Variants in OR4C46 observed in about 807,000 individuals in gnomAD.
OR4C46 encodes olfactory receptor 4C46.
Under a neutral mutation model 11.8 loss-of-function variants are expected in OR4C46, and 17 were observed. The observed-to-expected ratio is 1.44, with a 90% CI of 0.98 to 2.16. The LOEUF (loss-of-function observed/expected upper bound fraction) is 2.16. OR4C46 is among the 30% of genes most tolerant of loss of function. The pLI is 0.00. For synonymous variants in OR4C46, 224 were observed against 137.6 expected (o/e 1.63, Z -4.39); for missense variants, 606 against 372.1 (o/e 1.63, Z -5.17).
In OR4C46 at chr11:54,603,138, C is replaced by T. The variant is rs746455064; in HGVS notation, c.861G>A (p.Leu287=). The part of the protein sequence containing the change: ...TPMLNPLIYT[L]KNAQMKNAIR... ...TGGCATTTTTCATCTGGGCATTCTTCAAGGTATAGATTAAGGGGTTTAACA... is the reference window on the plus strand; with the variant it reads ...TGGCATTTTTCATCTGGGCATTCTTTAAGGTATAGATTAAGGGGTTTAACA... The change falls in exon 1 of 1, where the codon TTG becomes TTA. Residue 287 remains leucine, a synonymous_variant. Coordinates refer to ENST00000328188, the MANE Select transcript of OR4C46 (RefSeq NM_001004703.1). The T allele has an allele frequency of 4.8e-6, 7 of 1,456,200 alleles. No homozygotes were observed. Among genetic ancestry groups the T allele is most frequent in the Non-Finnish European group, 3.8e-6 (4 of 1,045,272 alleles). 90.2% of individuals were successfully genotyped at this position (1,456,200 alleles called of 1,614,324 possible). A position where few individuals can be genotyped will look rare whatever the true frequency, so the allele number is the denominator to read the frequency against.
chr11:54,603,980 T>A lies in OR4C46; in HGVS notation c.19A>T (p.Met7Leu), dbSNP rs1490885123. Residue 7 changes from methionine (M) to leucine (L), a missense_variant, in exon 1 of 1, where the codon ATG (methionine) becomes TTG (leucine). Transcript: ENST00000328188. Reference protein sequence around the residue: MENRNNMTEFVLLGLTE... With the variant: MENRNNLTEFVLLGLTE... ...AGCCCCAGCAAAACAAACTCTGTCA[T>A]GTTATTCCTATTCTCCATGTATTTC... is the stretch of plus-strand genomic sequence containing the variant. The A allele has an allele frequency of 6.2e-7, 1 of 1,612,448 alleles. No homozygotes were observed. Among genetic ancestry groups the A allele is most frequent in the Non-Finnish European group, 8.5e-7 (1 of 1,178,632 alleles).
At position 54,603,639 on chromosome 11, in the gene OR4C46, G is replaced by C. The variant is rs1201485256; in HGVS notation, c.360C>G (p.His120Gln). The change falls in exon 1 of 1, where the codon CAC (histidine) becomes CAG (glutamine). Residue 120 changes from histidine to glutamine, a missense_variant. His to Gln is a conservative substitution (Grantham distance 24, BLOSUM62 0). Transcript: ENST00000328188. ...GCAAGGGCTTGCAGATGGCCACATA[G>C]TGGTCATAGGCCATCACAGTAAGTA... ...GILLTVMAYD[H>Q]YVAICKPLHY... 4 of 1,614,056 alleles carry C rather than the reference G, an allele frequency of 2.5e-6. No homozygotes were observed. Among genetic ancestry groups the C allele is most frequent in the South Asian group, 2.2e-5 (2 of 91,064 alleles).
Position 54,603,564 on chromosome 11 carries a change from C to G in OR4C46, c.435G>C (p.Val145=). Residue 145 remains valine, a synonymous_variant, in exon 1 of 1, where the codon GTG becomes GTC. Coordinates refer to ENST00000328188, the MANE Select transcript of OR4C46 (RefSeq NM_001004703.1). ...NQCVCALLMG[V]VWMGGFLHAT... ...CATGAAGAAAGCCTCCCATCCACAC[C>G]ACTCCCATTAGCAGGGCACACACAC... is the stretch of plus-strand genomic sequence containing the variant. 1.9e-6 allele frequency: 3 copies of G among 1,613,964 alleles called. No individual in the cohort carries two copies. The highest frequency in any genetic ancestry group is 2.5e-6 in the Non-Finnish European group (3 of 1,179,942).
Position 54,603,634 on chromosome 11 carries a change from A to T in OR4C46, c.365T>A (p.Val122Glu), listed in dbSNP as rs1354682853. ...LLTVMAYDHY[V>E]AICKPLHYMT... The stretch of plus-strand genomic sequence containing the variant: ...ATAGTGCAAGGGCTTGCAGATGGCC[A>T]CATAGTGGTCATAGGCCATCACAGT... Residue 122 changes from valine to glutamate, a missense_variant, in exon 1 of 1, where the codon GTG (valine) becomes GAG (glutamate). Physicochemically the swap from Val to Glu is moderately radical, Grantham distance 121. Transcript: ENST00000328188. The T allele has an allele frequency of 4.3e-6, 7 of 1,613,954 alleles. No individual in the cohort carries two copies. Among genetic ancestry groups the T allele is most frequent in the Non-Finnish European group, 5.9e-6 (7 of 1,179,942 alleles).
At position 54,603,178 on chromosome 11, in the gene OR4C46, G is replaced by T. The variant is rs1191461437; in HGVS notation, c.821C>A (p.Thr274Asn). The change falls in exon 1 of 1, where the codon ACT (threonine) becomes AAT (asparagine). Residue 274 changes from threonine (T) to asparagine (N), a missense_variant. Thr to Asn is a moderately conservative substitution (Grantham distance 65, BLOSUM62 0). Transcript: ENST00000328188. ...PIDKAVAIFY[T>N]MITPMLNPLI... Reference sequence around the variant, plus strand: ...GGGGTTTAACATAGGAGTTATCATAGTGTAGAATATAGCAACTGCTTTATC... The same window carrying T: ...GGGGTTTAACATAGGAGTTATCATATTGTAGAATATAGCAACTGCTTTATC... 1.9e-6 allele frequency: 3 copies of T among 1,562,468 alleles called. No homozygotes were observed. The highest frequency in any genetic ancestry group is 2.6e-6 in the Non-Finnish European group (3 of 1,133,282).
chr11:54,603,292 G>A lies in OR4C46; in HGVS notation c.707C>T (p.Ser236Phe), dbSNP rs372794415. 1.2e-6 allele frequency: 2 copies of A among 1,613,254 alleles called. No individual in the cohort carries two copies. Among genetic ancestry groups the A allele is most frequent in the African/African-American group, 1.3e-5 (1 of 74,900 alleles). Residue 236 changes from serine to phenylalanine, a missense_variant, in exon 1 of 1, where the codon TCC becomes TTC. Coordinates refer to ENST00000328188, the MANE Select transcript of OR4C46 (RefSeq NM_001004703.1). ...AACCGTGATGTGGGAGACACAGGTG[G>A]AGAGGGCTTTGTGCCTTGCCTCCAA... The part of the protein sequence containing the change: ...HSLEARHKAL[S>F]TCVSHITVVI...
chr11:54,603,846 T>A lies in OR4C46; in HGVS notation c.153A>T (p.Pro51=). ...VLIVVTITAS[P]SLGSPMYLSL... is the part of the protein sequence containing the mutation. ...AAAGGTACATGGGGGACCCCAGTGA[T>A]GGGCTGGCAGTGATGGTGACCACAA... Residue 51 remains proline (P), a synonymous_variant, in exon 1 of 1, where the codon CCA becomes CCT. Coordinates refer to ENST00000328188, the MANE Select transcript of OR4C46 (RefSeq NM_001004703.1). 6.2e-7 allele frequency: 1 copy of A among 1,600,206 alleles called. No individual in the cohort carries two copies. The highest frequency in any genetic ancestry group is 2.2e-5 in the East Asian group (1 of 44,862).
In OR4C46 at chr11:54,603,165, A is replaced by G; in HGVS notation, c.834T>C (p.Pro278=). The change falls in exon 1 of 1, where the codon CCT becomes CCC. Residue 278 remains proline (P), a synonymous_variant. Transcript: ENST00000328188. ...AVAIFYTMIT[P]MLNPLIYTLK... is the part of the protein sequence containing the mutation. ...AGGTATAGATTAAGGGGTTTAACATAGGAGTTATCATAGTGTAGAATATAG... is the reference window on the plus strand; with the variant it reads ...AGGTATAGATTAAGGGGTTTAACATGGGAGTTATCATAGTGTAGAATATAG... 2.0e-6 allele frequency: 3 copies of G among 1,531,482 alleles called. No homozygotes were observed. Among genetic ancestry groups the G allele is most frequent in the Non-Finnish European group, 2.7e-6 (3 of 1,105,184 alleles). 94.9% of individuals were successfully genotyped at this position (1,531,482 alleles called of 1,614,324 possible).
At position 54,603,161 on chromosome 11, in the gene OR4C46, A is replaced by C. The variant is rs751149656; in HGVS notation, c.838T>G (p.Leu280Val). 2.0e-5 allele frequency: 30 copies of C among 1,524,390 alleles called. No homozygotes were observed. Among genetic ancestry groups the C allele is most frequent in the African/African-American group, 4.1e-5 (3 of 73,726 alleles). 94.4% of individuals were successfully genotyped at this position (1,524,390 alleles called of 1,614,324 possible). The stretch of plus-strand genomic sequence containing the variant: ...TTCAAGGTATAGATTAAGGGGTTTA[A>C]CATAGGAGTTATCATAGTGTAGAAT... ...AIFYTMITPM[L>V]NPLIYTLKNA... Residue 280 changes from leucine (L) to valine (V), a missense_variant, in exon 1 of 1, where the codon TTA (leucine) becomes GTA (valine). Transcript: ENST00000328188.
chr11:54,603,915 C>A lies in OR4C46; in HGVS notation c.84G>T (p.Val28=), dbSNP rs1565363942. Residue 28 remains valine (V), a synonymous_variant, in exon 1 of 1, where the codon GTG becomes GTT. Transcript: ENST00000328188. The stretch of plus-strand genomic sequence containing the variant: ...CAGTGATGATATAGATGACAAAAAA[C>A]ACAACAAATATGATTTTCTGCATCT... ...NPKMQKIIFV[V]FFVIYIITVV... The A allele has an allele frequency of 6.2e-6, 10 of 1,613,640 alleles. No homozygotes were observed. The highest frequency in any genetic ancestry group is 1.1e-5 in the South Asian group (1 of 91,068).
In OR4C46 at chr11:54,603,815, C is replaced by A. The variant is rs145553997; in HGVS notation, c.184G>T (p.Ala62Ser). Reference protein sequence around the residue: ...SLGSPMYLSLAYLSFIDACYS... With the variant: ...SLGSPMYLSLSYLSFIDACYS... ...CAGGCATCAATAAAGGAGAGATAGG[C>A]CAGGGAAAGGTACATGGGGGACCCC... The change falls in exon 1 of 1, where the codon GCC becomes TCC. Residue 62 changes from alanine to serine, a missense_variant. Transcript: ENST00000328188. The A allele has an allele frequency of 1.9e-6, 3 of 1,613,586 alleles. No homozygotes were observed. The highest frequency in any genetic ancestry group is 2.5e-6 in the Non-Finnish European group (3 of 1,179,828).
Position 54,603,510 on chromosome 11 carries a change from T to C in OR4C46, c.489A>G (p.Gln163=). The change falls in exon 1 of 1, where the codon CAA becomes CAG. Residue 163 remains glutamine (Q), a synonymous_variant. Transcript: ENST00000328188. ...TGACATTAGGACCACAGAAAGGTAA[T>C]TGGAAGATGAAGAGGATCTGTATGG... The part of the protein sequence containing the change: ...HATIQILFIF[Q]LPFCGPNVID... The C allele has an allele frequency of 6.2e-7, 1 of 1,613,636 alleles. No individual in the cohort carries two copies. The highest frequency in any genetic ancestry group is 1.1e-5 in the South Asian group (1 of 91,066).
In OR4C46 at chr11:54,603,926, T is replaced by C. The variant is rs756730782; in HGVS notation, c.73A>G (p.Ile25Val). The change falls in exon 1 of 1, where the codon ATA (isoleucine) becomes GTA (valine). Residue 25 changes from isoleucine (I) to valine (V), a missense_variant. By Grantham distance (29) the Ile-to-Val change is conservative. Transcript: ENST00000328188. ...LTENPKMQKIIFVVFFVIYII... is the reference protein window; with the variant it reads ...LTENPKMQKIVFVVFFVIYII... ...TAGATGACAAAAAACACAACAAATATGATTTTCTGCATCTTTGGATTCTCT... is the reference window on the plus strand; with the variant it reads ...TAGATGACAAAAAACACAACAAATACGATTTTCTGCATCTTTGGATTCTCT... The C allele has an allele frequency of 2.7e-5, 44 of 1,613,652 alleles. 2 individuals are homozygous for C. The South Asian group carries it at 4.1e-4, about 15-fold the overall frequency.
rs142620784 is a variant in OR4C46 at position 54,603,094 on chromosome 11, C to G, written c.905G>C (p.Arg302Thr). The change falls in exon 1 of 1, where the codon AGA becomes ACA. Residue 302 changes from arginine to threonine, a missense_variant. Arg to Thr is a moderately conservative substitution (Grantham distance 71). Coordinates refer to ENST00000328188, the MANE Select transcript of OR4C46 (RefSeq NM_001004703.1). ...MKNAIRKLCS[R>T]KDISGDK ...TTATTTGTCACCTGAAATGTCCTTT[C>G]TACTACACAATTTCCTGATGGCATT... 494 of 1,536,736 alleles carry G rather than the reference C, an allele frequency of 3.2e-4. No individual in the cohort carries two copies. The highest frequency in any genetic ancestry group is 4.3e-4 in the Non-Finnish European group (483 of 1,117,844).
In OR4C46 at chr11:54,603,474, A is replaced by G. The variant is rs1862992476; in HGVS notation, c.525T>C (p.Phe175=). 2.5e-6 allele frequency: 4 copies of G among 1,613,312 alleles called. No individual in the cohort carries two copies. In the East Asian group the frequency reaches 8.9e-5, roughly 36 times the overall value. The part of the protein sequence containing the change: ...PFCGPNVIDH[F]MCDLNPLLNL... ...TGAGCAAAGGGTTCAGATCACACAT[A>G]AAGTGATCTATGACATTAGGACCAC... Residue 175 remains phenylalanine, a synonymous_variant, in exon 1 of 1, where the codon TTT becomes TTC. Coordinates refer to ENST00000328188, the MANE Select transcript of OR4C46 (RefSeq NM_001004703.1).
rs534211224 is a variant in OR4C46, at chr11:54,603,757, G to C, written c.242C>G (p.Thr81Arg). The change falls in exon 1 of 1, where the codon ACA becomes AGA. Residue 81 changes from threonine to arginine, a missense_variant. Physicochemically the swap from Thr to Arg is moderately conservative, Grantham distance 71 (BLOSUM62 -1). Coordinates refer to ENST00000328188, the MANE Select transcript of OR4C46 (RefSeq NM_001004703.1). ...GGCCTTCTTTCCATAGAGTGAATGT[G>C]TGATCAGGTTAGGGGTATTGACAGA... Reference protein sequence around the residue: ...YSSVNTPNLITHSLYGKKAIL... With the variant: ...YSSVNTPNLIRHSLYGKKAIL... The C allele has an allele frequency of 1.2e-6, 2 of 1,613,914 alleles. No homozygotes were observed. Among genetic ancestry groups the C allele is most frequent in the Non-Finnish European group, 1.7e-6 (2 of 1,179,828 alleles).
chr11:54,603,348 C>A lies in OR4C46; in HGVS notation c.651G>T (p.Val217=). Residue 217 remains valine (V), a synonymous_variant, in exon 1 of 1, where the codon GTG becomes GTT. Transcript: ENST00000328188. ...GAGTCCTTAGGGAGCACAAGATGAC[C>A]ACATAGGAGACCAGCAGGAGGGCAA... ...LNFALLLVSY[V]VILCSLRTHS... is the part of the protein sequence containing the mutation. 6.2e-7 allele frequency: 1 copy of A among 1,613,710 alleles called. No homozygotes were observed. The highest frequency in any genetic ancestry group is 8.5e-7 in the Non-Finnish European group (1 of 1,179,834).
In OR4C46 at chr11:54,603,153, G is replaced by A. The variant is rs754204444; in HGVS notation, c.846C>T (p.Pro282=). 4.0e-6 allele frequency: 6 copies of A among 1,497,112 alleles called. No individual in the cohort carries two copies. The highest frequency in any genetic ancestry group is 1.7e-5 in the Admixed American group (1 of 59,598). 92.7% of individuals were successfully genotyped at this position (1,497,112 alleles called of 1,614,324 possible). ...GGGCATTCTTCAAGGTATAGATTAA[G>A]GGGTTTAACATAGGAGTTATCATAG... is the stretch of plus-strand genomic sequence containing the variant. ...FYTMITPMLN[P]LIYTLKNAQM... is the part of the protein sequence containing the mutation. Residue 282 remains proline, a synonymous_variant, in exon 1 of 1, where the codon CCC becomes CCT. Coordinates refer to ENST00000328188, the MANE Select transcript of OR4C46 (RefSeq NM_001004703.1).
chr11:54,603,992 T>C lies in OR4C46; in HGVS notation c.7A>G (p.Asn3Asp). 2 of 1,608,116 alleles carry C rather than the reference T, an allele frequency of 1.2e-6. No homozygotes were observed. Among genetic ancestry groups the C allele is most frequent in the Non-Finnish European group, 1.7e-6 (2 of 1,174,836 alleles). Residue 3 changes from asparagine (N) to aspartate (D), a missense_variant, in exon 1 of 1, where the codon AAT becomes GAT. By Grantham distance (23) the Asn-to-Asp change is conservative. Coordinates refer to ENST00000328188, the MANE Select transcript of OR4C46 (RefSeq NM_001004703.1). ...ACAAACTCTGTCATGTTATTCCTAT[T>C]CTCCATGTATTTCTCATGATGATTA... is the stretch of plus-strand genomic sequence containing the variant. Reference protein sequence around the residue: MENRNNMTEFVLL... With the variant: MEDRNNMTEFVLL...
Sources: gnomAD v4.1 joint callset for allele counts on GRCh38, gnomAD v4.1.1 for gene constraint, MANE v1.5 for transcripts, NCBI Gene and HGNC (gene_info 2026-07-23, HGNC 2026-07-21) for gene names.